The following SMU1 variants were observed in gnomAD, a reference collection of about 807,000 sequenced individuals.
The protein encoded by SMU1 is WD40 repeat-containing protein SMU1.
SMU1 carries 2 observed loss-of-function variants against 62.0 expected under a neutral mutation model. The ratio of observed to expected loss-of-function variants is 0.03; its 90% CI spans 0.01 to 0.10. The LOEUF (loss-of-function observed/expected upper bound fraction) is 0.10, where lower values mean the gene tolerates loss of function less well. Ranked by LOEUF, SMU1 falls within the 10% of genes least tolerant of loss-of-function variation. SMU1 has a pLI of 1.00. For missense variants in SMU1, 227 were observed against 622.1 expected (o/e 0.36, Z 6.76); for synonymous variants, 188 against 212.4 (o/e 0.89, Z 1.00).
chr9:33,076,149 G>A lies in SMU1; in HGVS notation c.26+434C>T, dbSNP rs12238731. ...ACAGTGACAATACTGAGTGATAAAC[G>A]CTAGGCAGAGAAAAGCAAAGGGGCC... On this transcript the variant is annotated intron_variant, in intron 1 of 11. Transcript: ENST00000397149. Among the ~76,000 whole-genome samples the A allele has an allele frequency of 1.5e-3, 235 of 152,332 alleles. 7 individuals carry two copies. In the East Asian group the frequency reaches 0.037, roughly 24 times the overall value.
At chr9:33,072,423 C>G (rs1839496900) in intron 2 of SMU1, among the ~76,000 whole-genome samples, 1 of 152,186 alleles carries the variant, frequency 6.6e-6, no homozygotes, top group African/African-American at 2.4e-5. Flanking sequence ...GCTTCTTGCT[C>G]AGAATGTAGA....
Position 33,073,477 on chromosome 9 carries a change from T to G in SMU1, c.237+119A>C, listed in dbSNP as rs901767332. On this transcript the variant is annotated intron_variant, in intron 2 of 11. Coordinates refer to ENST00000397149, the MANE Select transcript of SMU1 (RefSeq NM_018225.3). ...AAAATACAATGTCAAGCCTTGCCAT[T>G]GTTGTATGGGCTGATGCAGCCCTAC... 1.2e-4 allele frequency: 78 copies of G among 637,206 alleles called. No individual in the cohort carries two copies. The African/African-American group carries it at 1.3e-3, about 10-fold the overall frequency. 39.5% of individuals were successfully genotyped at this position (637,206 alleles called of 1,614,324 possible). A position where few individuals can be genotyped will look rare whatever the true frequency, so the allele number is the denominator to read the frequency against.
chr9:33,051,038 G>T (rs58049712), intron 10 of SMU1, among the ~76,000 whole-genome samples: 7 of 104,680 alleles, frequency 6.7e-5, no homozygotes, highest in Non-Finnish European at 8.4e-5. Flanking sequence ...GGAGAATGGC[G>T]TGAACCCAGG....
At chr9:33,069,348 A>G (rs1945187619) in intron 3 of SMU1, among the ~76,000 whole-genome samples, 1 of 152,220 alleles carries the variant, frequency 6.6e-6, no homozygotes, top group Non-Finnish European at 1.5e-5. Flanking sequence ...GAAGTGCTTC[A>G]CCACCTCTAA....
intron 4 of SMU1, among the ~76,000 whole-genome samples, chr9:33,066,088 A>G (rs1839416191): frequency 1.3e-5 from 2 of 152,164 alleles, no homozygotes; most frequent in African/African-American, 4.8e-5. Flanking sequence ...TCCCCATCCT[A>G]TCATCCCAGG....
intron 10 of SMU1, among the ~76,000 whole-genome samples, chr9:33,049,795 G>A (rs150289895): frequency 2.7e-5 from 3 of 111,304 alleles, no homozygotes; most frequent in South Asian, 2.4e-4. Context: ...CACAAAAGTC[G>A]GGCATGGTGG....
chr9:33,050,393 G>T (rs1839229455), intron 10 of SMU1, among the ~76,000 whole-genome samples: 1 of 152,098 alleles, frequency 6.6e-6, no homozygotes, highest in South Asian at 2.1e-4. Flanking sequence ...TTTACCCAAA[G>T]AAATAGAAAA....
At chr9:33,052,869 A>G (rs1839264960) in intron 10 of SMU1, among the ~76,000 whole-genome samples, 1 of 152,234 alleles carries the variant, frequency 6.6e-6, no homozygotes, top group Admixed American at 6.5e-5. Flanking sequence ...AGGCTTAAAG[A>G]CAGATAGGAG....
chr9:33,056,990 T>TAA (rs772044281), intron 7 of SMU1, 26 bp from the exon 8 acceptor site: 1 of 1,589,344 alleles, frequency 6.3e-7, no homozygotes, highest in African/African-American at 1.4e-5. Flanking sequence ...AAAAAAGAAT[T>TAA]AAAAAAACCT....
At chr9:33,069,866 C>T (rs1839467447) in intron 3 of SMU1, among the ~76,000 whole-genome samples, 1 of 152,146 alleles carries the variant, frequency 6.6e-6, no homozygotes, top group South Asian at 2.1e-4. Flanking sequence ...TGGCTCATGC[C>T]TGTCATCCTA....
In SMU1 at chr9:33,076,548, C is replaced by CG. The variant is rs765583619; in HGVS notation, c.26+34dup. On this transcript the variant is annotated intron_variant, in intron 1 of 11. Coordinates refer to ENST00000397149, the MANE Select transcript of SMU1 (RefSeq NM_018225.3). ...CCCACACCCTTAACCTCCAGGCCCC[C>CG]GGCAAGGCGCGAACATCCCCACCGC... The CG allele has an allele frequency of 2.5e-6, 4 of 1,613,080 alleles. No individual in the cohort carries two copies. The South Asian group carries it at 4.4e-5, about 18-fold the overall frequency.
Position 33,071,912 on chromosome 9 carries a change from C to A in SMU1, c.238-20G>T, listed in dbSNP as rs1469954699. On this transcript the variant is annotated intron_variant, in intron 2 of 11. Transcript: ENST00000397149. The stretch of plus-strand genomic sequence containing the variant: ...AACAACCTGGACAATTAAAAAAAAA[C>A]AAAAAAAACCCCAGATGTTTCAACA... 1.0e-5 allele frequency: 15 copies of A among 1,492,712 alleles called. No individual in the cohort carries two copies. Among genetic ancestry groups the A allele is most frequent in the South Asian group, 1.4e-5 (1 of 73,334 alleles). The allele number at this position is 1,492,712 out of a possible 1,614,324, so 92.5% of individuals were successfully genotyped here.
intron 4 of SMU1, among the ~76,000 whole-genome samples, chr9:33,067,497 T>TC (rs199955242): frequency 2.6e-4 from 33 of 128,944 alleles, no homozygotes; most frequent in Non-Finnish European, 3.9e-4. Context: ...AGCAGCTTAC[T>TC]TTTTTTTTTT....
chr9:33,064,579 G>C (rs1190813104), intron 4 of SMU1, among the ~76,000 whole-genome samples: 1 of 152,086 alleles, frequency 6.6e-6, no homozygotes, highest in Admixed American at 6.5e-5. Flanking sequence ...ATAAATAACA[G>C]AATTGGGTTT....
At chr9:33,059,994 T>C (rs1839345212) in intron 6 of SMU1, among the ~76,000 whole-genome samples, 1 of 152,002 alleles carries the variant, frequency 6.6e-6, no homozygotes, top group Non-Finnish European at 1.5e-5. Flanking sequence ...TTAATAAAAT[T>C]GGAATTTAAT....
In SMU1 at chr9:33,045,494, C is replaced by A. The variant is rs1339406818; in HGVS notation, c.*1799G>T. Reference sequence around the variant, plus strand: ...CTGCCCAGAATTAATTCAGCAAACACTGAACATTACTACGTGCCACATATA... The same window carrying A: ...CTGCCCAGAATTAATTCAGCAAACAATGAACATTACTACGTGCCACATATA... On this transcript the variant is annotated 3_prime_UTR_variant, in exon 12 of 12. Transcript: ENST00000397149. 6.6e-6 allele frequency: 1 copy of A among 152,212 alleles called. No homozygotes were observed. The highest frequency in any genetic ancestry group is 2.4e-5 in the African/African-American group (1 of 41,440). The allele number at this position is 152,212 out of a possible 1,614,324, so 9.4% of individuals were successfully genotyped here.
At chr9:33,059,611 G>GT (rs1192025947) in intron 6 of SMU1, among the ~76,000 whole-genome samples, 1 of 145,006 alleles carries the variant, frequency 6.9e-6, no homozygotes, top group Non-Finnish European at 1.5e-5. Context: ...GTTTTGTTTT[G>GT]TTTTTTCCCC....
chr9:33,058,406 TC>T (rs1303023543), intron 6 of SMU1, among the ~76,000 whole-genome samples: 1 of 152,196 alleles, frequency 6.6e-6, no homozygotes, highest in Admixed American at 6.6e-5. Context: ...AACCTCTGCC[TC>T]CTGGGTTCGA....
chr9:33,051,909 C>T (rs568680451), intron 10 of SMU1, among the ~76,000 whole-genome samples: 6 of 150,782 alleles, frequency 4.0e-5, no homozygotes, highest in Non-Finnish European at 7.4e-5. Flanking sequence ...CCCAGCTACT[C>T]GGGAGGCTGA....
Sources: allele counts gnomAD v4.1 joint callset (sites outside exome capture counted in the v4.1 genomes callset), GRCh38; gene constraint gnomAD v4.1.1; transcripts MANE v1.5; gene names NCBI Gene and HGNC (gene_info 2026-07-23, HGNC 2026-07-21).